The following NLGN1 variants were observed in gnomAD, a reference collection of about 807,000 sequenced individuals.
NLGN1 encodes neuroligin 1.
NLGN1 carries 12 observed loss-of-function variants against 65.5 expected under a neutral mutation model. The ratio of observed to expected loss-of-function variants is 0.18; its 90% CI spans 0.12 to 0.30. NLGN1 has a LOEUF of 0.30. Among genes scored for constraint, NLGN1 ranks in the 10% least tolerant of loss-of-function variants. The pLI is 1.00. For synonymous variants in NLGN1, 350 were observed against 359.5 expected (o/e 0.97, Z 0.30); for missense variants, 750 against 1,007.1 (o/e 0.74, Z 3.46).
At chr3:174,147,149 AT>A (rs1171541107) in intron 4 of NLGN1, among the ~76,000 whole-genome samples, 1 of 152,010 alleles carries the variant, frequency 6.6e-6, no homozygotes, top group Non-Finnish European at 1.5e-5. Context: ...TACGGCCGGT[AT>A]TTTTTGTTAA....
intron 4 of NLGN1, among the ~76,000 whole-genome samples, chr3:173,924,869 T>C (rs1019072301): frequency 6.6e-6 from 1 of 152,098 alleles, no homozygotes; most frequent in African/African-American, 2.4e-5. Context: ...GATGGCATGA[T>C]TATTTTGAAA....
intron 3 of NLGN1, among the ~76,000 whole-genome samples, chr3:173,804,945 G>A (rs572206358): frequency 1.4e-4 from 22 of 152,228 alleles, no homozygotes; most frequent in Non-Finnish European, 2.5e-4. Flanking sequence ...AGAATAGCTT[G>A]AACACTGGAG....
chr3:174,004,427 C>G (rs1368126969), intron 4 of NLGN1, among the ~76,000 whole-genome samples: 1 of 152,082 alleles, frequency 6.6e-6, no homozygotes, highest in Non-Finnish European at 1.5e-5. Flanking sequence ...TCACTTCTTG[C>G]AACAGCTATC....
chr3:174,047,738 TC>T (rs1343939957), intron 4 of NLGN1, among the ~76,000 whole-genome samples: 1 of 151,972 alleles, frequency 6.6e-6, no homozygotes, highest in African/African-American at 2.4e-5. Context: ...CTATTCGTAT[TC>T]CTATCATTAT....
chr3:173,569,860 C>T (rs1183338240), intron 2 of NLGN1, among the ~76,000 whole-genome samples: 1 of 123,916 alleles, frequency 8.1e-6, no homozygotes, highest in African/African-American at 2.9e-5. Context: ...TTCTACACTA[C>T]CACACATTCA....
intron 4 of NLGN1, among the ~76,000 whole-genome samples, chr3:174,029,164 C>A (rs767918296): frequency 4.6e-5 from 7 of 152,174 alleles, no homozygotes; most frequent in East Asian, 3.9e-4. Context: ...ATGATAGATC[C>A]AATGACAGCT....
At chr3:173,922,526 T>C (rs1742245928) in intron 4 of NLGN1, among the ~76,000 whole-genome samples, 1 of 152,168 alleles carries the variant, frequency 6.6e-6, no homozygotes, top group African/African-American at 2.4e-5. Flanking sequence ...ATAAAACTAT[T>C]ATACTTTCAT....
rs1934815893 is a variant in NLGN1 at position 174,276,159 on chromosome 3, A to AACTT, written c.859+633_859+636dup. Among the ~76,000 whole-genome samples the AACTT allele has an allele frequency of 3.3e-5, 5 of 151,928 alleles. 1 individual carries two copies. In the South Asian group the frequency reaches 1.0e-3, roughly 31 times the overall value. On this transcript the variant is annotated intron_variant, in intron 5 of 6. Transcript: ENST00000457714. ...TCCAAAAGCATTATTTTTCCCCCTA[A>AACTT]ACTTGGCAAGGCAGCATGGAGTATT...
chr3:173,891,692 C>T (rs937233516), intron 4 of NLGN1, among the ~76,000 whole-genome samples: 13 of 152,174 alleles, frequency 8.5e-5, no homozygotes, highest in African/African-American at 2.4e-4. Flanking sequence ...TGGATATGAG[C>T]GGCCACTGCT....
At position 174,228,573 on chromosome 3, in the gene NLGN1, T is replaced by G. The variant is rs556860716; in HGVS notation, c.647-46742T>G. On this transcript the variant is annotated intron_variant, in intron 4 of 6. Coordinates refer to ENST00000457714, the Ensembl canonical transcript of NLGN1. The stretch of plus-strand genomic sequence containing the variant: ...AAAATAGGTTAGATATAGACGCTAT[T>G]CAGCACTAGGTAACTATATAGTTGT... Among the ~76,000 whole-genome samples the G allele has an allele frequency of 4.6e-5, 7 of 152,272 alleles. No homozygotes were observed. In the East Asian group the frequency reaches 1.3e-3, roughly 29 times the overall value.
At chr3:173,799,237 G>T (rs1714871078) in intron 3 of NLGN1, among the ~76,000 whole-genome samples, 1 of 151,826 alleles carries the variant, frequency 6.6e-6, no homozygotes, top group Non-Finnish European at 1.5e-5. Flanking sequence ...TTTGCATGAG[G>T]ATTATTAAAT....
At chr3:173,859,983 C>T (rs1238121038) in intron 4 of NLGN1, among the ~76,000 whole-genome samples, 1 of 151,898 alleles carries the variant, frequency 6.6e-6, no homozygotes, top group Non-Finnish European at 1.5e-5. Context: ...AGATGTTTAT[C>T]TATTATATAA....
chr3:173,810,950 G>A (rs1717791331), intron 4 of NLGN1, among the ~76,000 whole-genome samples: 1 of 152,138 alleles, frequency 6.6e-6, no homozygotes, highest in Non-Finnish European at 1.5e-5. Context: ...AGGAAAAACT[G>A]CCAATAAGAT....
intron 4 of NLGN1, among the ~76,000 whole-genome samples, chr3:173,825,493 A>C (rs549765734): frequency 6.6e-6 from 1 of 152,134 alleles, no homozygotes; most frequent in African/African-American, 2.4e-5. Context: ...GTATTCTGTT[A>C]GTTAAGGTTT....
At chr3:174,171,005 A>C (rs1017086057) in intron 4 of NLGN1, among the ~76,000 whole-genome samples, 1 of 152,154 alleles carries the variant, frequency 6.6e-6, no homozygotes, top group Non-Finnish European at 1.5e-5. Context: ...ACAAATCACA[A>C]ACTCTATTAA....
chr3:173,567,463 C>T (rs1048088651), intron 2 of NLGN1, among the ~76,000 whole-genome samples: 1 of 151,864 alleles, frequency 6.6e-6, no homozygotes, highest in Non-Finnish European at 1.5e-5. Flanking sequence ...TATATACACT[C>T]ATTCAAAAAA....
intron 4 of NLGN1, among the ~76,000 whole-genome samples, chr3:174,126,270 G>A (rs1718924753): frequency 6.6e-6 from 1 of 152,046 alleles, no homozygotes; most frequent in African/African-American, 2.4e-5. Flanking sequence ...CTTTATGTGT[G>A]GTAGCCCTGT....
At chr3:173,581,905 A>G (rs1234284807) in intron 2 of NLGN1, among the ~76,000 whole-genome samples, 1 of 152,058 alleles carries the variant, frequency 6.6e-6, no homozygotes, top group African/African-American at 2.4e-5. Context: ...AATAGAGCAC[A>G]GTAGATACAG....
chr3:174,259,447 C>T (rs1401820886), intron 4 of NLGN1, among the ~76,000 whole-genome samples: 1 of 151,208 alleles, frequency 6.6e-6, no homozygotes, highest in Non-Finnish European at 1.5e-5. Flanking sequence ...TTTTTTTCTA[C>T]TCTCTTTTTT....
Sources: gnomAD v4.1 joint callset for allele counts (sites outside exome capture counted in the v4.1 genomes callset) on GRCh38, gnomAD v4.1.1 for gene constraint, MANE v1.5 for transcripts, NCBI Gene and HGNC (gene_info 2026-07-23, HGNC 2026-07-21) for gene names.